DIO1: variants seen among roughly 807,000 people sequenced by gnomAD.
DIO1 encodes iodothyronine deiodinase 1.
Under a neutral mutation model 25.9 loss-of-function variants are expected in DIO1, and 17 were observed. The ratio of observed to expected loss-of-function variants is 0.66; its 90% confidence interval spans 0.45 to 0.98. The LOEUF is 0.98. DIO1 is among the 50% of genes least tolerant of loss of function. The pLI, the probability that DIO1 is intolerant of heterozygous loss-of-function variation, is 0.00. For missense variants in DIO1, 270 were observed against 310.4 expected (o/e 0.87, Z 0.98); for synonymous variants, 115 against 114.0 (o/e 1.01, Z -0.05).
chr1:53,897,149 C>A (rs1651118515), intron 1 of DIO1, among the ~76,000 whole-genome samples: 1 of 152,236 alleles, frequency 6.6e-6, no homozygotes, highest in Non-Finnish European at 1.5e-5. Context: ...ATGTAACTGT[C>A]CACTTTCAGT....
At position 53,903,659 on chromosome 1, in the gene DIO1, G is replaced by A. The variant is rs369166510; in HGVS notation, c.338-1007G>A. On this transcript the variant is annotated intron_variant, in intron 1 of 3. Transcript: ENST00000361921. ...AGGTCAGGAGTCTGAGACCAGCCTG[G>A]CCAACATAGTGAAACCCCGTCTCTA... is the stretch of plus-strand genomic sequence containing the variant. 2.0e-4 allele frequency among the ~76,000 whole-genome samples: 31 copies of A among 151,858 alleles called. 1 individual carries two copies. Among genetic ancestry groups the A allele is most frequent in the African/African-American group, 2.7e-4 (11 of 41,180 alleles).
intron 1 of DIO1, among the ~76,000 whole-genome samples, chr1:53,895,315 C>T (rs1651016358): frequency 1.3e-5 from 2 of 152,114 alleles, no homozygotes; most frequent in African/African-American, 4.8e-5. Flanking sequence ...CCCAGCTACT[C>T]GGGAGGCTGA....
chr1:53,907,720 T>C (rs1651723618), intron 3 of DIO1, among the ~76,000 whole-genome samples: 1 of 150,890 alleles, frequency 6.6e-6, no homozygotes, highest in Admixed American at 6.6e-5. Flanking sequence ...GAGACCAGCC[T>C]GACCAACATA....
chr1:53,903,915 C>T (rs1322441354), intron 1 of DIO1, among the ~76,000 whole-genome samples: 4 of 151,858 alleles, frequency 2.6e-5, no homozygotes, highest in Non-Finnish European at 5.9e-5. Context: ...GAACAAGGAA[C>T]CCTGCATTTT....
intron 1 of DIO1, among the ~76,000 whole-genome samples, chr1:53,896,949 C>T (rs973862226): frequency 6.6e-6 from 1 of 152,184 alleles, no homozygotes; most frequent in Non-Finnish European, 1.5e-5. Flanking sequence ...CACAAATGAC[C>T]TCAGTTTATT....
intron 1 of DIO1, among the ~76,000 whole-genome samples, chr1:53,898,100 A>G (rs1275176232): frequency 2.0e-5 from 3 of 152,122 alleles, no homozygotes; most frequent in Admixed American, 2.0e-4. Context: ...AACCCTGTTA[A>G]GAGTAGGGTA....
At position 53,897,463 on chromosome 1, in the gene DIO1, G is replaced by A. The variant is rs765543016; in HGVS notation, c.337+2916G>A. On this transcript the variant is annotated intron_variant, in intron 1 of 3. Coordinates refer to ENST00000361921, the MANE Select transcript of DIO1 (RefSeq NM_000792.7). ...TGCACTCCAGCCTGGGTGACACAGC[G>A]AGACTCTGTCTTAAAATAAAATAAA... Among the ~76,000 whole-genome samples the A allele has an allele frequency of 9.2e-5, 14 of 151,522 alleles. No homozygotes were observed. The East Asian group carries it at 1.8e-3, about 19-fold the overall frequency.
intron 2 of DIO1, among the ~76,000 whole-genome samples, 198 bp from the exon 3 acceptor site, chr1:53,905,897 G>T (rs1183704192): frequency 6.6e-6 from 1 of 152,230 alleles, no homozygotes; most frequent in African/African-American, 2.4e-5. Context: ...GGGTCTGGCA[G>T]ACAGAAGCCC....
At position 53,903,230 on chromosome 1, in the gene DIO1, T is replaced by C. The variant is rs144431446; in HGVS notation, c.338-1436T>C. The stretch of plus-strand genomic sequence containing the variant: ...GTGCAATTCGCCAAGTGACTGAGGG[T>C]GGGGGAAGCCTCTTGCCCACCCTTT... On this transcript the variant is annotated intron_variant, in intron 1 of 3. Transcript: ENST00000361921. 115 of 151,946 alleles carry C rather than the reference T, an allele frequency of 7.6e-4. 4 individuals are homozygous for C. The East Asian group carries it at 0.018, about 24-fold the overall frequency. The allele number at this position is 151,946 out of a possible 1,614,324, so 9.4% of individuals were successfully genotyped here. A position where few individuals can be genotyped will look rare whatever the true frequency, so the allele number is the denominator to read the frequency against.
At position 53,894,231 on chromosome 1, in the gene DIO1, G is replaced by T. The variant is rs1650949543; in HGVS notation, c.21G>T (p.Gly7=). 3 of 1,613,830 alleles carry T rather than the reference G, an allele frequency of 1.9e-6. No homozygotes were observed. The Admixed American group carries it at 5.0e-5, about 27-fold the overall frequency. The change falls in exon 1 of 4, where the codon GGG becomes GGT. Residue 7 remains glycine, a synonymous_variant. Transcript: ENST00000361921. The surrounding 1 kb of genome is among the most constrained non-coding windows in gnomAD (Gnocchi z 4.9). The part of the protein sequence containing the change: MGLPQP[G]LWLKRLWVLL... ...CCGAGATGGGGCTGCCCCAGCCAGG[G>T]CTGTGGCTGAAGAGGCTCTGGGTGC...
intron 1 of DIO1, among the ~76,000 whole-genome samples, chr1:53,900,534 G>A (rs1017313222): frequency 1.3e-5 from 2 of 152,184 alleles, no homozygotes; most frequent in African/African-American, 2.4e-5. Context: ...AACTTGGGAG[G>A]CGGAGGTTGC....
At chr1:53,898,878 A>G (rs1651216975) in intron 1 of DIO1, among the ~76,000 whole-genome samples, 1 of 152,156 alleles carries the variant, frequency 6.6e-6, no homozygotes. Flanking sequence ...AAGAATCTTT[A>G]CTGATAATCT....
chr1:53,907,693 CTT>C (rs1651721973), intron 3 of DIO1, among the ~76,000 whole-genome samples: 2 of 151,478 alleles, frequency 1.3e-5, no homozygotes, highest in South Asian at 2.1e-4. Flanking sequence ...AGGCTGATCA[CTT>C]GAGGTTGGGA....
At chr1:53,896,210 C>CTTTTT (rs199555423) in intron 1 of DIO1, among the ~76,000 whole-genome samples, 7 of 103,568 alleles carry the variant, frequency 6.8e-5, no homozygotes, top group Non-Finnish European at 9.1e-5. Flanking sequence ...TTCTTTTTCT[C>CTTTTT]TTTTTTTTTT....
chr1:53,894,393 G>A lies in DIO1; in HGVS notation c.183G>A (p.Trp61Ter). The A allele has an allele frequency of 2.5e-6, 4 of 1,614,250 alleles. No homozygotes were observed. Among genetic ancestry groups the A allele is most frequent in the Non-Finnish European group, 3.4e-6 (4 of 1,180,048 alleles). ...TRNPHFSHDN[W>*]IPTFFSTQYF... is the part of the protein sequence containing the mutation. The stretch of plus-strand genomic sequence containing the variant: ...ACCCCCATTTCAGCCACGACAACTG[G>A]ATACCAACCTTTTTCAGCACCCAGT... Residue 61 changes from tryptophan (W) to a stop codon, truncating the protein, a stop_gained, in exon 1 of 4, where the codon TGG becomes TGA. Coordinates refer to ENST00000361921, the MANE Select transcript of DIO1 (RefSeq NM_000792.7). LOFTEE classifies it high-confidence loss of function. The surrounding 1 kb of genome is among the most constrained non-coding windows in gnomAD (Gnocchi z 4.9).
intron 1 of DIO1, among the ~76,000 whole-genome samples, chr1:53,904,000 C>T (rs995227534): frequency 3.3e-5 from 5 of 149,372 alleles, no homozygotes; most frequent in Admixed American, 6.6e-5. Context: ...GAGCTGCCTT[C>T]GGTGCCTCCC....
Position 53,904,651 on chromosome 1 carries a change from T to A in DIO1, c.338-15T>A, listed in dbSNP as rs1351485892. The A allele has an allele frequency of 6.2e-7, 1 of 1,611,070 alleles. No homozygotes were observed. Among genetic ancestry groups the A allele is most frequent in the Non-Finnish European group, 8.5e-7 (1 of 1,178,904 alleles). ...TGTGTAGGGTCTCAGTTTGTGATGG[T>A]TGTTGCTGTTTCAGGTAATAGGCCA... is the stretch of plus-strand genomic sequence containing the variant. On this transcript the variant is annotated splice_polypyrimidine_tract_variant and intron_variant, in intron 1 of 3. Transcript: ENST00000361921.
At chr1:53,897,255 C>T (rs1451760083) in intron 1 of DIO1, among the ~76,000 whole-genome samples, 1 of 152,196 alleles carries the variant, frequency 6.6e-6, no homozygotes, top group Non-Finnish European at 1.5e-5. Context: ...GCGGGCAGAT[C>T]ACTTGAGGTC....
chr1:53,903,774 C>T (rs969390691), intron 1 of DIO1, among the ~76,000 whole-genome samples: 4 of 151,882 alleles, frequency 2.6e-5, no homozygotes, highest in South Asian at 2.1e-4. Context: ...GCTTGAACCC[C>T]GGAGGCGGAG....
Sources: gnomAD v4.1 joint callset for allele counts (sites outside exome capture counted in the v4.1 genomes callset) on GRCh38, gnomAD v4.1.1 for gene constraint, Gnocchi (gnomAD v3.1) non-coding constraint, MANE v1.5 for transcripts, NCBI Gene and HGNC (gene_info 2026-07-23, HGNC 2026-07-21) for gene names.